KCND2: variants seen among roughly 807,000 people sequenced by gnomAD.
KCND2 encodes potassium voltage-gated channel subfamily D member 2, also known as A-type voltage-gated potassium channel KCND2.
Under a neutral mutation model 54.4 loss-of-function variants are expected in KCND2, and 16 were observed. That is an observed-to-expected ratio of 0.29 (90% CI 0.20 to 0.45). The LOEUF (loss-of-function observed/expected upper bound fraction) is 0.45. Among genes scored for constraint, KCND2 ranks in the 20% least tolerant of loss-of-function variants. The pLI, the probability that KCND2 is intolerant of heterozygous loss-of-function variation, is 1.00. For synonymous variants in KCND2, 317 were observed against 310.7 expected (o/e 1.02, Z -0.21); for missense variants, 486 against 824.2 (o/e 0.59, Z 5.02).
At chr7:120,408,223 C>G (rs547989563) in intron 1 of KCND2, among the ~76,000 whole-genome samples, 1 of 151,966 alleles carries the variant, frequency 6.6e-6, no homozygotes, top group Non-Finnish European at 1.5e-5. Flanking sequence ...CATCACTAAT[C>G]AATTTTGGAG....
intron 1 of KCND2, among the ~76,000 whole-genome samples, chr7:120,725,631 C>T (rs939374625): frequency 2.0e-5 from 3 of 152,106 alleles, no homozygotes; most frequent in Non-Finnish European, 4.4e-5. Context: ...TTTTATGCCC[C>T]CTAGCGGGTA....
intron 1 of KCND2, among the ~76,000 whole-genome samples, chr7:120,295,718 T>G (rs1235644158): frequency 6.6e-6 from 1 of 152,046 alleles, no homozygotes; most frequent in African/African-American, 2.4e-5. Context: ...CTACTAAGAT[T>G]TTTACCTGGA....
At chr7:120,284,099 C>T (rs569210079) in intron 1 of KCND2, among the ~76,000 whole-genome samples, 7 of 152,084 alleles carry the variant, frequency 4.6e-5, no homozygotes, top group Non-Finnish European at 1.0e-4. Context: ...AAAGGGTATG[C>T]TTTCCAGATG....
At chr7:120,565,547 G>A (rs1184235647) in intron 1 of KCND2, among the ~76,000 whole-genome samples, 3 of 152,106 alleles carry the variant, frequency 2.0e-5, no homozygotes, top group Non-Finnish European at 2.9e-5. Context: ...AGCTGAATTA[G>A]GATCCATTAA....
At chr7:120,491,769 C>T (rs917666987) in intron 1 of KCND2, among the ~76,000 whole-genome samples, 2 of 151,500 alleles carry the variant, frequency 1.3e-5, no homozygotes, top group East Asian at 1.9e-4. Flanking sequence ...ATTTTAGAGG[C>T]GATTATGGGA....
intron 1 of KCND2, among the ~76,000 whole-genome samples, chr7:120,380,335 C>T (rs1228936776): frequency 2.6e-5 from 4 of 151,984 alleles, no homozygotes; most frequent in Admixed American, 2.6e-4. Flanking sequence ...TTTATTTATG[C>T]CTTTCCTGTT....
intron 1 of KCND2, among the ~76,000 whole-genome samples, chr7:120,624,835 T>A (rs1793145560): frequency 6.6e-6 from 1 of 152,034 alleles, no homozygotes; most frequent in Non-Finnish European, 1.5e-5. Flanking sequence ...TCAAGTATCT[T>A]CCATAGTAGA....
At chr7:120,643,287 A>G (rs1793399936) in intron 1 of KCND2, among the ~76,000 whole-genome samples, 2 of 152,220 alleles carry the variant, frequency 1.3e-5, no homozygotes, top group South Asian at 4.1e-4. Flanking sequence ...TAATAGCTGT[A>G]TATGATAGGC....
At position 120,495,364 on chromosome 7, in the gene KCND2, A is replaced by G. The variant is rs577958545; in HGVS notation, c.1115+219617A>G. 1.4e-3 allele frequency among the ~76,000 whole-genome samples: 213 copies of G among 152,008 alleles called. 1 individual carries two copies. The highest frequency in any genetic ancestry group is 6.8e-3 in the Middle Eastern group (2 of 294). On this transcript the variant is annotated intron_variant, in intron 1 of 5. Transcript: ENST00000331113. ...CAACTTTTTTTTTTTACCCCAATTC[A>G]GTATGATCTAGCTCTTTGATGAGAC...
chr7:120,463,946 G>C (rs1345070154), intron 1 of KCND2: 1 of 450,776 alleles, frequency 2.2e-6, no homozygotes, highest in South Asian at 9.4e-5. Flanking sequence ...TAGATAGATC[G>C]ACAGATGGAT....
At chr7:120,470,242 G>T (rs1384013488) in intron 1 of KCND2, among the ~76,000 whole-genome samples, 1 of 152,080 alleles carries the variant, frequency 6.6e-6, no homozygotes, top group African/African-American at 2.4e-5. Flanking sequence ...ACCACTAGAC[G>T]CTGTAACTAA....
At chr7:120,571,670 G>T (rs987536607) in intron 1 of KCND2, among the ~76,000 whole-genome samples, 13 of 152,108 alleles carry the variant, frequency 8.5e-5, no homozygotes, top group Non-Finnish European at 1.8e-4. Flanking sequence ...TTTAAAAACC[G>T]CATAACTCTT....
intron 1 of KCND2, among the ~76,000 whole-genome samples, chr7:120,589,395 A>G (rs571391465): frequency 6.6e-6 from 1 of 152,354 alleles, no homozygotes; most frequent in East Asian, 1.9e-4. Flanking sequence ...AAGTATACAC[A>G]AATATATTAA....
At chr7:120,544,555 G>A (rs185234798) in intron 1 of KCND2, among the ~76,000 whole-genome samples, 44 of 151,862 alleles carry the variant, frequency 2.9e-4, no homozygotes, top group African/African-American at 9.6e-4. Flanking sequence ...ATTTTCATTA[G>A]CGATTATTAT....
chr7:120,730,232 T>C (rs190666755), intron 1 of KCND2, among the ~76,000 whole-genome samples: 157 of 152,260 alleles, frequency 1.0e-3, no homozygotes, highest in African/African-American at 3.1e-3. Flanking sequence ...TGTGTGTGTG[T>C]GCGCGCGTGC....
At chr7:120,453,808 C>A (rs1312397390) in intron 1 of KCND2, among the ~76,000 whole-genome samples, 1 of 152,088 alleles carries the variant, frequency 6.6e-6, no homozygotes, top group Non-Finnish European at 1.5e-5. Flanking sequence ...AAAAAGAGTC[C>A]AGGCACAATG....
At chr7:120,571,786 T>C (rs755400283) in intron 1 of KCND2, among the ~76,000 whole-genome samples, 1 of 152,216 alleles carries the variant, frequency 6.6e-6, no homozygotes, top group Non-Finnish European at 1.5e-5. Context: ...TATGATCCAG[T>C]AGTGTAGTCT....
At chr7:120,428,973 G>GT (rs1269159568) in intron 1 of KCND2, among the ~76,000 whole-genome samples, 1 of 152,150 alleles carries the variant, frequency 6.6e-6, no homozygotes, top group East Asian at 1.9e-4. Context: ...GAATTGAGAT[G>GT]TTGCCGGGTC....
chr7:120,482,218 G>C (rs112841647), intron 1 of KCND2, among the ~76,000 whole-genome samples: 6,140 of 152,138 alleles, frequency 0.04, 151 homozygotes, highest in Middle Eastern at 0.061. Flanking sequence ...CTTTCTTTTT[G>C]CCCTTATCGC....
Sources: gnomAD v4.1 joint callset for allele counts (sites outside exome capture counted in the v4.1 genomes callset) on GRCh38, gnomAD v4.1.1 for gene constraint, MANE v1.5 for transcripts, NCBI Gene and HGNC (gene_info 2026-07-23, HGNC 2026-07-21) for gene names.